The following PPP2R2B variants were observed in gnomAD, a reference collection of about 807,000 sequenced individuals.
PPP2R2B encodes protein phosphatase 2 regulatory subunit Bbeta, also known as serine/threonine-protein phosphatase 2A 55 kDa regulatory subunit B beta isoform.
PPP2R2B carries 5 observed loss-of-function variants against 46.0 expected under a neutral mutation model. That is an observed-to-expected ratio of 0.11 (90% confidence interval 0.06 to 0.23). PPP2R2B has a LOEUF of 0.23. Among genes scored for constraint, PPP2R2B ranks in the 10% least tolerant of loss-of-function variants. PPP2R2B has a pLI of 1.00. For synonymous variants in PPP2R2B, 215 were observed against 206.7 expected, an observed-to-expected ratio of 1.04 and a Z score of -0.34; for missense variants, 367 against 575.0, an observed-to-expected ratio of 0.64 and a Z score of 3.70.
intron 5 of PPP2R2B, among the ~76,000 whole-genome samples, chr5:146,686,416 A>G (rs1217149815): frequency 1.3e-5 from 2 of 152,190 alleles, no homozygotes; most frequent in Admixed American, 6.5e-5. Flanking sequence ...TTGAGCAGAG[A>G]CTGAAATGAA....
chr5:146,803,520 A>T (rs997903416), intron 2 of PPP2R2B, among the ~76,000 whole-genome samples: 6 of 152,252 alleles, frequency 3.9e-5, no homozygotes, highest in African/African-American at 1.2e-4. Context: ...AATACTGGGT[A>T]TCAGGAGAAA....
chr5:146,884,829 C>T (rs1762271806), intron 1 of PPP2R2B, among the ~76,000 whole-genome samples: 1 of 152,108 alleles, frequency 6.6e-6, no homozygotes, highest in Non-Finnish European at 1.5e-5. Flanking sequence ...GACTACATTG[C>T]TCAAAGTAAA....
chr5:146,777,499 T>C (rs1755257216), intron 2 of PPP2R2B, among the ~76,000 whole-genome samples: 1 of 152,126 alleles, frequency 6.6e-6, no homozygotes. Context: ...ACTTAATGGG[T>C]GCAGTTTCTG....
chr5:146,588,840 T>G lies in PPP2R2B; in HGVS notation c.*1107A>C, dbSNP rs778267567. 1 of 152,190 alleles carries G rather than the reference T, an allele frequency of 6.6e-6. No homozygotes were observed. The highest frequency in any genetic ancestry group is 6.5e-5 in the Admixed American group (1 of 15,274). 9.4% of individuals were successfully genotyped at this position (152,190 alleles called of 1,614,324 possible). On this transcript the variant is annotated 3_prime_UTR_variant, in exon 10 of 10. Coordinates refer to ENST00000394411, the MANE Select transcript of PPP2R2B (RefSeq NM_181675.4). Reference sequence around the variant, plus strand: ...CTTGGGGTGAGTTAGAAGTGCCTGATTGGACTTCACAACTCAGCGTTTTTA... The same window carrying G: ...CTTGGGGTGAGTTAGAAGTGCCTGAGTGGACTTCACAACTCAGCGTTTTTA...
chr5:147,054,764 C>T (rs1454705173), intron 1 of PPP2R2B: 3 of 449,246 alleles, frequency 6.7e-6, no homozygotes, highest in Non-Finnish European at 4.5e-6. Context: ...CCTCAGCATC[C>T]TCAACCCTTT....
At position 146,912,095 on chromosome 5, in the gene PPP2R2B, C is replaced by T. The variant is rs557017475; in HGVS notation, c.79+143570G>A. ...TCTACTAAAATACAAAAAAGTTAGC[C>T]GGGCATGGCGGCATGTGCCTGTAGT... On this transcript the variant is annotated intron_variant, in intron 1 of 8. Transcript: ENST00000336640. 5.3e-5 allele frequency among the ~76,000 whole-genome samples: 8 copies of T among 152,080 alleles called. No homozygotes were observed. In the East Asian group the frequency reaches 5.8e-4, roughly 11 times the overall value.
At position 146,581,330 on chromosome 5, in the gene PPP2R2B, A is replaced by G. The variant is rs1272476874; in HGVS notation, c.*8617T>C. On this transcript the variant is annotated 3_prime_UTR_variant, in exon 10 of 10. Transcript: ENST00000394411. ...GAGAGACAGAGGGGAGGTTCTTCAC[A>G]CCTTTAAACAACCAGATCTCGTGAG... 5 of 152,046 alleles carry G rather than the reference A, an allele frequency of 3.3e-5. No homozygotes were observed. In the East Asian group the frequency reaches 9.7e-4, roughly 30 times the overall value. The allele number at this position is 152,046 out of a possible 1,614,324, so 9.4% of individuals were successfully genotyped here. A position where few individuals can be genotyped will look rare whatever the true frequency, so the allele number is the denominator to read the frequency against.
chr5:146,913,369 A>G (rs1044799643), intron 1 of PPP2R2B, among the ~76,000 whole-genome samples: 1 of 152,182 alleles, frequency 6.6e-6, no homozygotes, highest in Non-Finnish European at 1.5e-5. Flanking sequence ...CTCTCCCATT[A>G]CAGTGTCTGG....
At chr5:146,704,365 A>C (rs758372886) in intron 2 of PPP2R2B, among the ~76,000 whole-genome samples, 9 of 152,220 alleles carry the variant, frequency 5.9e-5, no homozygotes, top group Non-Finnish European at 1.0e-4. Flanking sequence ...ACGTCATTTG[A>C]AATCATGATC....
At chr5:146,716,625 C>T (rs959567607) in intron 2 of PPP2R2B, among the ~76,000 whole-genome samples, 5 of 152,130 alleles carry the variant, frequency 3.3e-5, no homozygotes, top group African/African-American at 4.8e-5. Flanking sequence ...CTAGTGGGAT[C>T]TGAGACCATC....
intron 1 of PPP2R2B, among the ~76,000 whole-genome samples, chr5:146,953,014 A>G (rs1751695918): frequency 6.6e-6 from 1 of 152,184 alleles, no homozygotes; most frequent in Admixed American, 6.6e-5. Flanking sequence ...TAACAGATAA[A>G]ATATGTAAAA....
chr5:146,623,265 C>T (rs928737613), intron 7 of PPP2R2B, among the ~76,000 whole-genome samples: 52 of 152,204 alleles, frequency 3.4e-4, no homozygotes, highest in Non-Finnish European at 2.2e-4. Context: ...CATTTGAAAT[C>T]ACTATTTCAA....
intron 5 of PPP2R2B, among the ~76,000 whole-genome samples, chr5:146,670,477 T>TTATTTATG (rs1581836656): frequency 1.5e-3 from 3 of 1,988 alleles, no homozygotes; most frequent in East Asian, 7.7e-3. Flanking sequence ...ATGTGTACTA[T>TTATTTATG]TATTTATTTA....
chr5:146,873,919 C>G (rs1388503832), intron 2 of PPP2R2B, among the ~76,000 whole-genome samples: 1 of 152,234 alleles, frequency 6.6e-6, no homozygotes. Context: ...TCTCCCTGTT[C>G]CTAGCCATAG....
At chr5:146,785,193 T>C (rs1233574615) in intron 2 of PPP2R2B, among the ~76,000 whole-genome samples, 1 of 149,864 alleles carries the variant, frequency 6.7e-6, no homozygotes, top group Non-Finnish European at 1.5e-5. Context: ...AGGAGAAGAG[T>C]ATAGAAAAGG....
intron 5 of PPP2R2B, among the ~76,000 whole-genome samples, chr5:146,662,627 C>T (rs1013633871): frequency 1.1e-4 from 17 of 152,044 alleles, no homozygotes; most frequent in African/African-American, 3.9e-4. Flanking sequence ...TATAAATTAC[C>T]CAGTCTGTGG....
chr5:146,780,947 T>C (rs1277854103), intron 2 of PPP2R2B, among the ~76,000 whole-genome samples: 1 of 151,884 alleles, frequency 6.6e-6, no homozygotes, highest in African/African-American at 2.4e-5. Flanking sequence ...ATCTATGCTT[T>C]GTAAAGATAC....
At position 146,638,339 on chromosome 5, in the gene PPP2R2B, A is replaced by T. The variant is rs1465243573; in HGVS notation, c.702T>A (p.His234Gln). 1.2e-6 allele frequency: 2 copies of T among 1,613,730 alleles called. No homozygotes were observed. The highest frequency in any genetic ancestry group is 2.7e-5 in the African/African-American group (2 of 74,926). Residue 234 changes from histidine to glutamine, a missense_variant, in exon 7 of 10, where the codon CAT (histidine) becomes CAA (glutamine). By Grantham distance (24) the His-to-Gln change is conservative. Around this residue, in one of 2 missense-constraint regions of PPP2R2B, gnomAD observed 361 missense variants for 545.5 expected, o/e 0.66. Coordinates refer to ENST00000394411, the MANE Select transcript of PPP2R2B (RefSeq NM_181675.4). Reference sequence around the variant, plus strand: ...TGCTGCTGTACACGAAGGTGTTGCAATGATGGGGGTGGAACTCGGCTGCTG... The same window carrying T: ...TGCTGCTGTACACGAAGGTGTTGCATTGATGGGGGTGGAACTCGGCTGCTG... ...VITAAEFHPH[H>Q]CNTFVYSSSK...
intron 1 of PPP2R2B, among the ~76,000 whole-genome samples, chr5:147,050,263 A>G (rs974919262): frequency 6.6e-6 from 1 of 152,304 alleles, no homozygotes; most frequent in Middle Eastern, 3.4e-3. Flanking sequence ...TACTATTTCC[A>G]TGTTACAGAC....
Sources: gnomAD v4.1 joint callset for allele counts (sites outside exome capture counted in the v4.1 genomes callset) on GRCh38, gnomAD v4.1.1 for gene constraint, gnomAD v4.1.1 regional missense constraint, MANE v1.5 for transcripts, NCBI Gene and HGNC (gene_info 2026-07-23, HGNC 2026-07-21) for gene names.